Variants in VRK2 observed in about 807,000 individuals in gnomAD.
The protein encoded by VRK2 is VRK serine/threonine kinase 2.
VRK2 carries 60 observed loss-of-function variants against 57.6 expected under a neutral mutation model. That is an observed-to-expected ratio of 1.04 (90% CI 0.85 to 1.29). The LOEUF is 1.29. Among genes scored for constraint, VRK2 ranks in the 50% most tolerant of loss-of-function variants. The pLI, the probability that VRK2 is intolerant of heterozygous loss-of-function variation, is 0.00. For missense variants in VRK2, 705 were observed against 588.1 expected, an observed-to-expected ratio of 1.20 and a Z score of -2.06; for synonymous variants, 231 against 199.2, an observed-to-expected ratio of 1.16 and a Z score of -1.35.
chr2:58,112,363 T>C (rs1675694896), intron 7 of VRK2, among the ~76,000 whole-genome samples: 1 of 152,238 alleles, frequency 6.6e-6, no homozygotes. Flanking sequence ...TTACTTCATT[T>C]CTTCCCTTCC....
At chr2:58,141,518 A>T (rs1037042540) in intron 11 of VRK2, among the ~76,000 whole-genome samples, 1 of 152,018 alleles carries the variant, frequency 6.6e-6, no homozygotes, top group African/African-American at 2.4e-5. Flanking sequence ...AAAATAATAC[A>T]TGCTTTTAAG....
chr2:58,139,877 A>G, intron 11 of VRK2, 45 bp downstream of exon 11: 1 of 1,496,722 alleles, frequency 6.7e-7, no homozygotes, highest in Non-Finnish European at 9.0e-7. Context: ...CTTCTATGAT[A>G]CTTTTCTATC....
At chr2:58,093,882 T>G (rs1672739474) in intron 7 of VRK2, among the ~76,000 whole-genome samples, 1 of 152,228 alleles carries the variant, frequency 6.6e-6, no homozygotes, top group Non-Finnish European at 1.5e-5. Flanking sequence ...TTCCTACATA[T>G]GGCTAGCCAG....
At chr2:57,970,339 T>C (rs1354773899) in intron 1 of VRK2, among the ~76,000 whole-genome samples, 2 of 151,312 alleles carry the variant, frequency 1.3e-5, no homozygotes, top group African/African-American at 2.4e-5. Context: ...CATTATTACA[T>C]AGTAACAAAG....
intron 10 of VRK2, among the ~76,000 whole-genome samples, chr2:58,138,760 T>C (rs182972923): frequency 2.2e-4 from 34 of 152,304 alleles, no homozygotes; most frequent in African/African-American, 7.5e-4. Context: ...GTCAGTAATA[T>C]ATTTTTGAAA....
At chr2:58,027,165 A>G (rs1673955495) in intron 2 of VRK2, among the ~76,000 whole-genome samples, 1 of 151,974 alleles carries the variant, frequency 6.6e-6, no homozygotes, top group Admixed American at 6.6e-5. Flanking sequence ...CCTTCCTAAT[A>G]ATCTAGTGTT....
At chr2:58,122,872 T>A (rs967454792) in intron 7 of VRK2, among the ~76,000 whole-genome samples, 2 of 152,176 alleles carry the variant, frequency 1.3e-5, no homozygotes, top group Non-Finnish European at 2.9e-5. Context: ...AGATTAAAAA[T>A]CTAAGTCAAC....
intron 1 of VRK2, among the ~76,000 whole-genome samples, chr2:57,984,085 T>C (rs1019734213): frequency 5.9e-5 from 9 of 152,188 alleles, no homozygotes; most frequent in Non-Finnish European, 1.2e-4. Flanking sequence ...TTAAAGACTT[T>C]GAGTTTTGTA....
chr2:58,047,620 T>C (rs1675039970), intron 1 of VRK2: 1 of 257,074 alleles, frequency 3.9e-6, no homozygotes, highest in Non-Finnish European at 6.1e-6. Context: ...TCAGTAAATC[T>C]GTAATAGGCA....
At chr2:57,992,668 C>G (rs1259889268) in intron 1 of VRK2, among the ~76,000 whole-genome samples, 1 of 152,056 alleles carries the variant, frequency 6.6e-6, no homozygotes, top group Admixed American at 6.6e-5. Context: ...TCCCGAGTAG[C>G]TGGGACTACA....
intron 11 of VRK2, among the ~76,000 whole-genome samples, chr2:58,142,360 C>T (rs1052958179): frequency 1.3e-5 from 2 of 150,068 alleles, no homozygotes; most frequent in African/African-American, 4.9e-5. Flanking sequence ...TTTTACTAGA[C>T]ATTATAAACT....
intron 2 of VRK2, among the ~76,000 whole-genome samples, chr2:58,029,571 G>C (rs1025701123): frequency 6.6e-6 from 1 of 152,104 alleles, no homozygotes; most frequent in Non-Finnish European, 1.5e-5. Flanking sequence ...TAACTTGTGA[G>C]ATCTCTCTGT....
intron 2 of VRK2, among the ~76,000 whole-genome samples, chr2:58,077,944 T>C (rs901922897): frequency 1.3e-5 from 2 of 152,112 alleles, no homozygotes; most frequent in African/African-American, 4.8e-5. Flanking sequence ...CTCTTTTTCT[T>C]CTCAGGCCAA....
In VRK2 at chr2:58,159,587, T is replaced by C. The variant is rs752602996; in HGVS notation, c.1421T>C (p.Ile474Thr). The C allele has an allele frequency of 5.6e-6, 9 of 1,613,892 alleles. No individual in the cohort carries two copies. In the South Asian group the frequency reaches 9.9e-5, roughly 18 times the overall value. Residue 474 changes from isoleucine to threonine, a missense_variant, in exon 13 of 13, where the codon ATT (isoleucine) becomes ACT (threonine). Physicochemically the swap from Ile to Thr is moderately conservative, Grantham distance 89. Coordinates refer to ENST00000340157, the MANE Select transcript of VRK2 (RefSeq NM_006296.7). The part of the protein sequence containing the change: ...LESSTGLWPT[I>T]SQFTLSEETN... ...AGTTCAACTGGACTTTGGCCTACAA[T>C]TTCCCAGTTTACTCTTAGTGAAGAG...
chr2:57,967,039 A>G (rs1446078367), intron 1 of VRK2, among the ~76,000 whole-genome samples: 1 of 152,182 alleles, frequency 6.6e-6, no homozygotes, highest in Non-Finnish European at 1.5e-5. Context: ...AAATATGTGG[A>G]AATTTTTACA....
chr2:58,052,678 AT>A (rs1675932671), intron 2 of VRK2, among the ~76,000 whole-genome samples: 1 of 151,766 alleles, frequency 6.6e-6, no homozygotes, highest in Non-Finnish European at 1.5e-5. Flanking sequence ...TGGATTTTCT[AT>A]TTATTCTACT....
chr2:58,028,677 A>G (rs1191865143), intron 2 of VRK2, among the ~76,000 whole-genome samples: 2 of 151,094 alleles, frequency 1.3e-5, no homozygotes, highest in African/African-American at 4.9e-5. Context: ...ATAGGTGGGA[A>G]CTGAACAATG....
intron 1 of VRK2, among the ~76,000 whole-genome samples, chr2:57,951,730 T>C (rs1671432116): frequency 6.6e-6 from 1 of 152,048 alleles, no homozygotes; most frequent in Admixed American, 6.6e-5. Flanking sequence ...GCTCAGATGA[T>C]TGTTAGCAGT....
chr2:58,031,436 C>T (rs1442461866), intron 2 of VRK2, among the ~76,000 whole-genome samples: 1 of 152,004 alleles, frequency 6.6e-6, no homozygotes, highest in Non-Finnish European at 1.5e-5. Flanking sequence ...AAGAGTATGA[C>T]TGTTAATCTC....
Sources: gnomAD v4.1 joint callset for allele counts (sites outside exome capture counted in the v4.1 genomes callset) on GRCh38, gnomAD v4.1.1 for gene constraint, MANE v1.5 for transcripts, NCBI Gene and HGNC (gene_info 2026-07-23, HGNC 2026-07-21) for gene names.